The following SAMD5 variants were observed in gnomAD, a reference collection of about 807,000 sequenced individuals.
SAMD5 encodes the protein sterile alpha motif domain containing 5.
In SAMD5, 13 loss-of-function variants were observed where a neutral mutation model predicts 11.3. That is an observed-to-expected ratio of 1.15 (90% confidence interval 0.75 to 1.83). The LOEUF is 1.83. Among genes scored for constraint, SAMD5 ranks in the 40% most tolerant of loss-of-function variants. The pLI is 0.00. For synonymous variants in SAMD5, 129 were observed against 111.3 expected (o/e 1.16, Z -1.00); for missense variants, 255 against 239.1 (o/e 1.07, Z -0.44).
chr6:147,802,265 T>C, the SAMD5 span, among the ~76,000 whole-genome samples: 1 of 151,936 alleles, frequency 6.6e-6, no homozygotes, highest in Non-Finnish European at 1.5e-5. Context: ...ACACAAAAAC[T>C]TAACATAGGA....
the SAMD5 span, among the ~76,000 whole-genome samples, chr6:147,828,931 C>T: frequency 2.6e-5 from 4 of 152,102 alleles, no homozygotes; most frequent in African/African-American, 7.2e-5. Flanking sequence ...AAGAGCTGGC[C>T]AGGCATCCCA....
chr6:147,708,817 T>G (rs1310838805), intron 1 of SAMD5, among the ~76,000 whole-genome samples: 1 of 152,222 alleles, frequency 6.6e-6, no homozygotes, highest in Non-Finnish European at 1.5e-5. Flanking sequence ...ATTTATGATT[T>G]TGAACCATAG....
At chr6:147,720,278 G>A (rs1407585162) in intron 1 of SAMD5, among the ~76,000 whole-genome samples, 6 of 152,202 alleles carry the variant, frequency 3.9e-5, no homozygotes, top group East Asian at 3.9e-4. Context: ...TGGCTAACAT[G>A]GTGAAACCCC....
intron 1 of SAMD5, among the ~76,000 whole-genome samples, chr6:147,515,577 C>T (rs1788157672): frequency 6.6e-6 from 1 of 152,048 alleles, no homozygotes; most frequent in Non-Finnish European, 1.5e-5. Context: ...TTCATCTATC[C>T]TTCCATTTAT....
At chr6:147,654,185 G>A (rs369037266) in intron 1 of SAMD5, among the ~76,000 whole-genome samples, 1 of 152,124 alleles carries the variant, frequency 6.6e-6, no homozygotes, top group South Asian at 2.1e-4. Context: ...AGTTCTAAAA[G>A]CCATAAAAGG....
At chr6:147,790,395 A>C in the SAMD5 span, among the ~76,000 whole-genome samples, 1 of 152,202 alleles carries the variant, frequency 6.6e-6, no homozygotes, top group Non-Finnish European at 1.5e-5. Context: ...TAAGTCCTTA[A>C]TATCTAAAAC....
chr6:147,518,374 G>A (rs1435093620), intron 1 of SAMD5, among the ~76,000 whole-genome samples: 1 of 152,196 alleles, frequency 6.6e-6, no homozygotes, highest in Non-Finnish European at 1.5e-5. Flanking sequence ...CTGCCCTCAT[G>A]AACTTTGTCT....
At chr6:147,697,372 T>C (rs1791191092) in intron 1 of SAMD5, among the ~76,000 whole-genome samples, 1 of 152,206 alleles carries the variant, frequency 6.6e-6, no homozygotes, top group African/African-American at 2.4e-5. Flanking sequence ...CTGCAGTAAA[T>C]GGACTTTCGT....
the SAMD5 span, among the ~76,000 whole-genome samples, chr6:147,769,882 TTG>T: frequency 6.6e-6 from 1 of 152,190 alleles, no homozygotes; most frequent in Non-Finnish European, 1.5e-5. Flanking sequence ...GAAGAACAAA[TTG>T]TACTGTGAGT....
intron 1 of SAMD5, among the ~76,000 whole-genome samples, chr6:147,535,842 A>G (rs1296918879): frequency 6.6e-6 from 1 of 152,140 alleles, no homozygotes; most frequent in Non-Finnish European, 1.5e-5. Flanking sequence ...TTTATTTACC[A>G]CAGGTCAGGA....
At chr6:147,848,787 A>G in the SAMD5 span, among the ~76,000 whole-genome samples, 1,418 of 152,310 alleles carry the variant, frequency 9.3e-3, 24 homozygotes, top group African/African-American at 0.032. Flanking sequence ...CACAATTCAG[A>G]TCAGCCACAG....
At chr6:147,830,662 A>G in the SAMD5 span, among the ~76,000 whole-genome samples, 1 of 152,084 alleles carries the variant, frequency 6.6e-6, no homozygotes, top group Admixed American at 6.6e-5. Flanking sequence ...CTCTTTTACT[A>G]CTTGTAACGT....
At chr6:147,865,313 AGTGTGTGT>A in the SAMD5 span, among the ~76,000 whole-genome samples, 2,701 of 147,206 alleles carry the variant, frequency 0.018, 38 homozygotes, top group South Asian at 0.031. Flanking sequence ...TAGGTATATA[AGTGTGTGT>A]GTGTGTGTGT....
At chr6:147,900,697 G>C in the SAMD5 span, among the ~76,000 whole-genome samples, 1 of 152,154 alleles carries the variant, frequency 6.6e-6, no homozygotes, top group African/African-American at 2.4e-5. Flanking sequence ...TTGAATGTAA[G>C]CAGCTCGCCT....
the SAMD5 span, among the ~76,000 whole-genome samples, chr6:147,890,013 A>G: frequency 6.6e-6 from 1 of 152,188 alleles, no homozygotes; most frequent in African/African-American, 2.4e-5. Flanking sequence ...TCTCTGCACC[A>G]TGGCTTAAAA....
intron 1 of SAMD5, among the ~76,000 whole-genome samples, chr6:147,624,882 T>TA (rs5880718): frequency 0.59 from 88,608 of 149,996 alleles, 26,217 homozygotes; most frequent in South Asian, 0.67. Flanking sequence ...AATAAAAAAT[T>TA]AAAAAAAAAA....
chr6:147,720,480 C>T (rs1258670191), intron 1 of SAMD5, among the ~76,000 whole-genome samples: 14 of 150,910 alleles, frequency 9.3e-5, no homozygotes, highest in African/African-American at 3.4e-4. Flanking sequence ...AAAAAACCTT[C>T]CACGGTCTCC....
At position 147,555,941 on chromosome 6, in the gene SAMD5, T is replaced by C. The variant is rs1583081044; in HGVS notation, c.460-8453T>C. 2.0e-5 allele frequency among the ~76,000 whole-genome samples: 3 copies of C among 152,176 alleles called. No homozygotes were observed. In the East Asian group the frequency reaches 5.8e-4, roughly 29 times the overall value. Reference sequence around the variant, plus strand: ...TTCATATACTTCAATTAAAAACATATTGCCACAGATTGAATATAGAGAGAT... The same window carrying C: ...TTCATATACTTCAATTAAAAACATACTGCCACAGATTGAATATAGAGAGAT... On this transcript the variant is annotated intron_variant, in intron 1 of 1. Transcript: ENST00000367474.
the SAMD5 span, among the ~76,000 whole-genome samples, chr6:147,889,270 C>T: frequency 6.6e-6 from 1 of 152,160 alleles, no homozygotes; most frequent in African/African-American, 2.4e-5. Context: ...CCATTAAACC[C>T]ATCCACTGTA....
Sources: gnomAD v4.1 joint callset for allele counts (sites outside exome capture counted in the v4.1 genomes callset) on GRCh38, gnomAD v4.1.1 for gene constraint, MANE v1.5 for transcripts, NCBI Gene and HGNC (gene_info 2026-07-23, HGNC 2026-07-21) for gene names.